Variants in ZBTB16 observed in about 807,000 individuals in gnomAD.
ZBTB16 encodes the protein zinc finger and BTB domain-containing protein 16.
A neutral mutation model predicts 56.8 loss-of-function variants in ZBTB16; 8 were observed. The observed-to-expected ratio is 0.14, with a 90% CI of 0.08 to 0.25. ZBTB16 has a LOEUF of 0.25. ZBTB16 is among the 10% of genes least tolerant of loss of function. ZBTB16 has a pLI of 1.00. For synonymous variants in ZBTB16, 363 were observed against 368.5 expected, an observed-to-expected ratio of 0.98 and a Z score of 0.17; for missense variants, 625 against 903.0, an observed-to-expected ratio of 0.69 and a Z score of 3.95.
rs766915928 is a variant in ZBTB16 at position 114,064,410 on chromosome 11, C to T, written c.1110C>T (p.Thr370=). The change falls in exon 2 of 7, where the codon ACC becomes ACT. Residue 370 remains threonine (T), a synonymous_variant. Transcript: ENST00000335953. The surrounding 1 kb of genome is among the most constrained non-coding windows in gnomAD (Gnocchi z 4.2). ...PALAVSMDFS[T]YGGLLPQGFI... ...TGGCTGTCTCCATGGACTTCAGCACCTATGGGGGGCTGCTGCCCCAGGGCT... is the reference window on the plus strand; with the variant it reads ...TGGCTGTCTCCATGGACTTCAGCACTTATGGGGGGCTGCTGCCCCAGGGCT... 4.3e-6 allele frequency: 7 copies of T among 1,614,102 alleles called. No individual in the cohort carries two copies. The highest frequency in any genetic ancestry group is 5.9e-6 in the Non-Finnish European group (7 of 1,180,034).
chr11:114,214,909 G>A (rs551393168), intron 4 of ZBTB16, among the ~76,000 whole-genome samples: 45 of 152,150 alleles, frequency 3.0e-4, no homozygotes, highest in Admixed American at 6.5e-4. Flanking sequence ...AGGAGAAAAG[G>A]CAGACGTGAG....
chr11:114,183,151 C>T (rs113393742), intron 3 of ZBTB16, among the ~76,000 whole-genome samples: 2,653 of 152,148 alleles, frequency 0.017, 75 homozygotes, highest in African/African-American at 0.06. Context: ...ACTGGGGCTT[C>T]GTGAGTGGGG....
At chr11:114,101,156 C>T (rs1448441861) in intron 2 of ZBTB16, among the ~76,000 whole-genome samples, 3 of 152,084 alleles carry the variant, frequency 2.0e-5, no homozygotes, top group African/African-American at 7.2e-5. Flanking sequence ...AGGTGTATGC[C>T]ACCACAGCCT....
chr11:114,236,087 A>G (rs1233195403), intron 4 of ZBTB16, among the ~76,000 whole-genome samples: 1 of 152,154 alleles, frequency 6.6e-6, no homozygotes, highest in East Asian at 1.9e-4. Context: ...ACTGAGTCCC[A>G]TTCATTCTTC....
intron 3 of ZBTB16, among the ~76,000 whole-genome samples, chr11:114,166,065 C>A (rs912707907): frequency 6.6e-6 from 1 of 152,122 alleles, no homozygotes; most frequent in Admixed American, 6.5e-5. Context: ...TCCACACTAA[C>A]CCTCGGTGAC....
intron 2 of ZBTB16, among the ~76,000 whole-genome samples, chr11:114,136,062 G>A (rs1941789913): frequency 6.6e-6 from 1 of 152,116 alleles, no homozygotes; most frequent in African/African-American, 2.4e-5. Context: ...AAAGGAGGAG[G>A]GTTGCATGGA....
At chr11:114,070,072 C>T (rs1389284430) in intron 2 of ZBTB16, among the ~76,000 whole-genome samples, 5 of 150,296 alleles carry the variant, frequency 3.3e-5, no homozygotes, top group African/African-American at 7.4e-5. Context: ...CTGTTAAACA[C>T]GATAGGTGTC....
At chr11:114,244,842 G>A (rs532247275) in intron 5 of ZBTB16, among the ~76,000 whole-genome samples, 1 of 152,040 alleles carries the variant, frequency 6.6e-6, no homozygotes, top group Non-Finnish European at 1.5e-5. Context: ...ACAGGCAGCC[G>A]CCCCCTTCCC....
intron 2 of ZBTB16, among the ~76,000 whole-genome samples, chr11:114,109,690 T>A (rs1940933113): frequency 7.0e-6 from 1 of 142,796 alleles, no homozygotes; most frequent in Non-Finnish European, 1.5e-5. Context: ...AAAGGAAGAG[T>A]TGGGGGAGGG....
At chr11:114,106,066 C>T (rs1023002821) in intron 2 of ZBTB16, among the ~76,000 whole-genome samples, 3 of 152,174 alleles carry the variant, frequency 2.0e-5, no homozygotes, top group Non-Finnish European at 2.9e-5. Flanking sequence ...TTTCTATCCC[C>T]TTCCTCTCCC....
chr11:114,085,913 T>C (rs866847858), intron 2 of ZBTB16, among the ~76,000 whole-genome samples: 3 of 152,158 alleles, frequency 2.0e-5, no homozygotes, highest in South Asian at 2.1e-4. Context: ...ATCATTGCGA[T>C]ATTATTGGAA....
In ZBTB16 at chr11:114,063,390, C is replaced by A. The variant is rs150708066; in HGVS notation, c.90C>A (p.Ala30=). ...LLCKANQMRL[A]GTLCDVVIMV... ...GCAAGGCCAACCAGATGCGGCTGGC[C>A]GGGACTTTGTGCGATGTGGTCATCA... The change falls in exon 2 of 7, where the codon GCC becomes GCA. Residue 30 remains alanine (A), a synonymous_variant. Transcript: ENST00000335953. This position sits in a 1 kb window ranked among gnomAD's most constrained non-coding sequence, Gnocchi z 6.5. 1.9e-6 allele frequency: 3 copies of A among 1,613,978 alleles called. No homozygotes were observed. The East Asian group carries it at 6.7e-5, about 36-fold the overall frequency.
At chr11:114,106,610 A>G (rs1392727843) in intron 2 of ZBTB16, among the ~76,000 whole-genome samples, 7 of 151,852 alleles carry the variant, frequency 4.6e-5, no homozygotes, top group East Asian at 1.9e-4. Context: ...AGCTGGGACT[A>G]TAGGCCTGCA....
rs1439325218 is a variant in ZBTB16, at chr11:114,156,382, G to C, written c.1314G>C (p.Gly438=). 4 of 1,614,256 alleles carry C rather than the reference G, an allele frequency of 2.5e-6. No individual in the cohort carries two copies. Among genetic ancestry groups the C allele is most frequent in the South Asian group, 1.1e-5 (1 of 91,082 alleles). The change falls in exon 3 of 7, where the codon GGG becomes GGC. Residue 438 remains glycine (G), a synonymous_variant. Transcript: ENST00000335953. ...AGACGTACGGGTGCGAGCTCTGCGG[G>C]AAGCGGTTCCTGGATAGTTTGCGGC... ...GMKTYGCELC[G]KRFLDSLRLR... is the part of the protein sequence containing the mutation.
chr11:114,131,409 T>G (rs1242588174), intron 2 of ZBTB16, among the ~76,000 whole-genome samples: 1 of 152,254 alleles, frequency 6.6e-6, no homozygotes. Flanking sequence ...TCTTTTGTTT[T>G]CTCTGTTTTT....
At position 114,059,922 on chromosome 11, in the gene ZBTB16, C is replaced by G. The variant is rs981034279; in HGVS notation, c.-91+40C>G. The G allele has an allele frequency of 5.1e-6, 2 of 388,612 alleles. No individual in the cohort carries two copies. Among genetic ancestry groups the G allele is most frequent in the South Asian group, 2.7e-4 (2 of 7,416 alleles). 24.1% of individuals were successfully genotyped at this position (388,612 alleles called of 1,614,324 possible). A position where few individuals can be genotyped will look rare whatever the true frequency, so the allele number is the denominator to read the frequency against. On this transcript the variant is annotated intron_variant, in intron 1 of 6. Coordinates refer to ENST00000335953, the MANE Select transcript of ZBTB16 (RefSeq NM_006006.6). The surrounding 1 kb of genome is among the most constrained non-coding windows in gnomAD (Gnocchi z 5.3). ...GGGAAGAGGCGCACCGCCCAGCGAGCGCCGCGCGCCGGGGCTTCCCGGGGC... is the reference window on the plus strand; with the variant it reads ...GGGAAGAGGCGCACCGCCCAGCGAGGGCCGCGCGCCGGGGCTTCCCGGGGC...
Position 114,250,398 on chromosome 11 carries a change from G to A in ZBTB16, c.1865G>A (p.Arg622Lys). The change falls in exon 7 of 7, where the codon AGA becomes AAA. Residue 622 changes from arginine to lysine, a missense_variant. Around this residue, in one of 6 missense-constraint regions of ZBTB16, gnomAD observed 40 missense variants for 93.2 expected, o/e 0.43. Coordinates refer to ENST00000335953, the MANE Select transcript of ZBTB16 (RefSeq NM_006006.6). The surrounding 1 kb of genome is among the most constrained non-coding windows in gnomAD (Gnocchi z 6.0). ...RDYSAMIKHL[R>K]THNGASPYQC... ...TACTCGGCCATGATCAAGCACCTGA[G>A]AACGCACAACGGCGCCTCGCCCTAC... 1 of 1,614,130 alleles carries A rather than the reference G, an allele frequency of 6.2e-7. No homozygotes were observed.
chr11:114,224,965 T>C (rs1944300771), intron 4 of ZBTB16, among the ~76,000 whole-genome samples: 1 of 151,942 alleles, frequency 6.6e-6, no homozygotes, highest in Admixed American at 6.6e-5. Context: ...GTTGAGGAGT[T>C]AGTGAGCAAT....
intron 2 of ZBTB16, among the ~76,000 whole-genome samples, chr11:114,130,119 G>A (rs1941622390): frequency 6.6e-6 from 1 of 152,174 alleles, no homozygotes; most frequent in Non-Finnish European, 1.5e-5. Flanking sequence ...GTTTCTGCTT[G>A]TTAGCTTGGG....
Sources: allele counts gnomAD v4.1 joint callset (sites outside exome capture counted in the v4.1 genomes callset), GRCh38; gene constraint gnomAD v4.1.1; regional missense constraint gnomAD v4.1.1; non-coding constraint Gnocchi (gnomAD v3.1); transcripts MANE v1.5; gene names NCBI Gene and HGNC (gene_info 2026-07-23, HGNC 2026-07-21).